Variants in CAPZA2 observed in about 807,000 individuals in gnomAD.
CAPZA2 encodes the protein capping actin protein of muscle Z-line subunit alpha 2, also known as F-actin-capping protein subunit alpha-2.
A neutral mutation model predicts 44.0 loss-of-function variants in CAPZA2; 13 were observed. The observed-to-expected ratio is 0.30, with a 90% CI of 0.19 to 0.47. The LOEUF (loss-of-function observed/expected upper bound fraction) is 0.47. Among genes scored for constraint, CAPZA2 ranks in the 20% least tolerant of loss-of-function variants. The pLI is 1.00. For missense variants in CAPZA2, 244 were observed against 338.6 expected (o/e 0.72, Z 2.19); for synonymous variants, 94 against 108.2 (o/e 0.87, Z 0.81).
At chr7:116,898,617 GTTAGTA>G (rs1796955538) in intron 3 of CAPZA2, among the ~76,000 whole-genome samples, 149 bp from the exon 4 acceptor site, 2 of 152,134 alleles carry the variant, frequency 1.3e-5, no homozygotes, top group African/African-American at 4.8e-5. Flanking sequence ...ATTATTTGTA[GTTAGTA>G]TAAGTTCAGT....
intron 6 of CAPZA2, 140 bp from the exon 7 acceptor site, chr7:116,910,093 A>G (rs1160146513): frequency 1.5e-6 from 1 of 680,564 alleles, no homozygotes; most frequent in Admixed American, 2.1e-5. Context: ...ATTTTTGACT[A>G]TTTCAGTGAT....
intron 1 of CAPZA2, among the ~76,000 whole-genome samples, chr7:116,865,772 A>AGGTCTCACGATGTTGTCCAGGGT: frequency 6.6e-6 from 1 of 152,208 alleles, no homozygotes; most frequent in Non-Finnish European, 1.5e-5. Context: ...TGTAGAGACA[A>AGGTCTCACGATGTTGTCCAGGGT]GGTCTCACGA....
chr7:116,881,385 AT>A (rs1796695821), intron 1 of CAPZA2, among the ~76,000 whole-genome samples: 1 of 151,986 alleles, frequency 6.6e-6, no homozygotes, highest in Non-Finnish European at 1.5e-5. Context: ...TAGAGAAGGA[AT>A]TTTTTTCCCC....
chr7:116,874,621 C>G (rs1796598118), intron 1 of CAPZA2: 2 of 152,258 alleles, frequency 1.3e-5, no homozygotes, highest in Admixed American at 6.5e-5. Context: ...AGAGACACTT[C>G]TGATCCTAAG....
chr7:116,881,301 G>T (rs988472651), intron 1 of CAPZA2, among the ~76,000 whole-genome samples: 3 of 152,132 alleles, frequency 2.0e-5, no homozygotes, highest in African/African-American at 7.2e-5. Flanking sequence ...ATCCTGGACA[G>T]ATTGAAGAAC....
Position 116,920,674 on chromosome 7 carries a change from A to G in CAPZA2, c.*2807A>G, listed in dbSNP as rs1791756562. ...TTTCTATTCAAAGGAGAAATATCTC[A>G]TGTAGCAGTTAGATACAGGAGACAG... On this transcript the variant is annotated 3_prime_UTR_variant, in exon 10 of 10. Coordinates refer to ENST00000361183, the MANE Select transcript of CAPZA2 (RefSeq NM_006136.3). The G allele has an allele frequency of 6.6e-6, 1 of 152,250 alleles. No individual in the cohort carries two copies. The highest frequency in any genetic ancestry group is 1.5e-5 in the Non-Finnish European group (1 of 68,062). The allele number at this position is 152,250 out of a possible 1,614,324, so 9.4% of individuals were successfully genotyped here. A position where few individuals can be genotyped will look rare whatever the true frequency, so the allele number is the denominator to read the frequency against.
chr7:116,880,696 C>CCTTTTTTTTTTTTTTTT, intron 1 of CAPZA2, among the ~76,000 whole-genome samples: 1 of 24,686 alleles, frequency 4.1e-5, no homozygotes, highest in East Asian at 1.5e-3. Flanking sequence ...TGTAACCTGC[C>CCTTTTTTTTTTTTTTTT]TTTTTTTTTT....
intron 1 of CAPZA2, among the ~76,000 whole-genome samples, chr7:116,866,592 G>A (rs1267863083): frequency 6.6e-6 from 1 of 152,174 alleles, no homozygotes; most frequent in East Asian, 1.9e-4. Context: ...ATGAAATTAT[G>A]GTGTAAGGCT....
chr7:116,921,224 A>C lies in CAPZA2; in HGVS notation c.*3357A>C, dbSNP rs1791766226. On this transcript the variant is annotated 3_prime_UTR_variant, in exon 10 of 10. Transcript: ENST00000361183. ...TATGGTGCAACCCCATCTCTACTAA[A>C]AATACAAAAATTAGCTGGGCGTGGT... 1.3e-5 allele frequency: 2 copies of C among 152,310 alleles called. No individual in the cohort carries two copies. The highest frequency in any genetic ancestry group is 4.1e-4 in the South Asian group (2 of 4,830). The allele number at this position is 152,310 out of a possible 1,614,324, so 9.4% of individuals were successfully genotyped here. A position where few individuals can be genotyped will look rare whatever the true frequency, so the allele number is the denominator to read the frequency against.
In CAPZA2 at chr7:116,919,387, G is replaced by T. The variant is rs539476702; in HGVS notation, c.*1520G>T. On this transcript the variant is annotated 3_prime_UTR_variant, in exon 10 of 10. Transcript: ENST00000361183. Reference sequence around the variant, plus strand: ...TTAAAATATATATATTTGAAAGTTTGATGATGGTGAACTAAATACTAGATC... The same window carrying T: ...TTAAAATATATATATTTGAAAGTTTTATGATGGTGAACTAAATACTAGATC... The T allele has an allele frequency of 6.6e-5, 10 of 152,246 alleles. 1 individual carries two copies. Among genetic ancestry groups the T allele is most frequent in the African/African-American group, 2.2e-4 (9 of 41,432 alleles). The allele number at this position is 152,246 out of a possible 1,614,324, so 9.4% of individuals were successfully genotyped here. A position where few individuals can be genotyped will look rare whatever the true frequency, so the allele number is the denominator to read the frequency against.
chr7:116,892,819 C>CTTT (rs59213951), intron 2 of CAPZA2, among the ~76,000 whole-genome samples, 175 bp from the exon 3 acceptor site: 45 of 139,818 alleles, frequency 3.2e-4, no homozygotes, highest in Middle Eastern at 3.7e-3. Flanking sequence ...TAACCAAAAC[C>CTTT]TTTTTTTTTT....
At chr7:116,890,809 A>G (rs12669383) in intron 2 of CAPZA2, among the ~76,000 whole-genome samples, 29,665 of 142,844 alleles carry the variant, frequency 0.21, 3,413 homozygotes, top group East Asian at 0.39. Context: ...AGAGTTAGAA[A>G]AGAATTAAAT....
rs1189188649 is a variant in CAPZA2, at chr7:116,904,328, T to G, written c.371T>G (p.Val124Gly). Reference protein sequence around the residue: ...ENAVESWRTSVETALRAYVKE... With the variant: ...ENAVESWRTSGETALRAYVKE... The stretch of plus-strand genomic sequence containing the variant: ...GCAGTTGAATCATGGAGAACTTCAG[T>G]AGAAACTGCTCTGAGAGCTTACGTA... The change falls in exon 5 of 10, where the codon GTA becomes GGA. Residue 124 changes from valine (V) to glycine (G), a missense_variant. Val to Gly is a moderately radical substitution (Grantham distance 109). Transcript: ENST00000361183. 6.2e-7 allele frequency: 1 copy of G among 1,613,832 alleles called. No homozygotes were observed.
intron 8 of CAPZA2, among the ~76,000 whole-genome samples, chr7:116,914,353 A>G (rs562354570): frequency 6.6e-6 from 1 of 151,968 alleles, no homozygotes; most frequent in East Asian, 2.0e-4. Context: ...TTAACTCAAG[A>G]AAGCATTTAA....
At chr7:116,873,187 G>A (rs1446957206) in intron 1 of CAPZA2, among the ~76,000 whole-genome samples, 1 of 152,184 alleles carries the variant, frequency 6.6e-6, no homozygotes, top group Non-Finnish European at 1.5e-5. Flanking sequence ...TAAACGGTGA[G>A]TCATTTTTAG....
chr7:116,893,486 T>C (rs190759071), intron 3 of CAPZA2, among the ~76,000 whole-genome samples: 95 of 152,322 alleles, frequency 6.2e-4, no homozygotes, highest in African/African-American at 2.2e-3. Context: ...CAAGTTCAAA[T>C]GTGTATGATT....
rs1796787229 is a variant in CAPZA2, at chr7:116,888,135, A to G, written c.48A>G (p.Ile16Met). ...EQLSDEEKVRIAAKFIIHAPP... is the reference protein window; with the variant it reads ...EQLSDEEKVRMAAKFIIHAPP... ...CTTTCTTTCTGTTTCAGGTGCGTAT[A>G]GCAGCAAAATTCATCATTCATGCCC... Residue 16 changes from isoleucine (I) to methionine (M), a missense_variant, in exon 2 of 10, where the codon ATA becomes ATG. Coordinates refer to ENST00000361183, the MANE Select transcript of CAPZA2 (RefSeq NM_006136.3). 2 of 1,610,746 alleles carry G rather than the reference A, an allele frequency of 1.2e-6. No individual in the cohort carries two copies. The highest frequency in any genetic ancestry group is 1.7e-6 in the Non-Finnish European group (2 of 1,178,088).
At chr7:116,907,632 A>G (rs1232525798) in intron 6 of CAPZA2, among the ~76,000 whole-genome samples, 1 of 152,178 alleles carries the variant, frequency 6.6e-6, no homozygotes. Flanking sequence ...AAAATGAAGA[A>G]AATGTCTGTC....
chr7:116,862,949 C>T (rs539233112), intron 1 of CAPZA2, among the ~76,000 whole-genome samples: 68 of 152,124 alleles, frequency 4.5e-4, no homozygotes, highest in Admixed American at 1.1e-3. Context: ...GGGAGGGCGG[C>T]GGCTGCCCAG....
Sources: gnomAD v4.1 joint callset for allele counts (sites outside exome capture counted in the v4.1 genomes callset) on GRCh38, gnomAD v4.1.1 for gene constraint, MANE v1.5 for transcripts, NCBI Gene and HGNC (gene_info 2026-07-23, HGNC 2026-07-21) for gene names.